The following FOXJ1 variants were observed in gnomAD, a reference collection of about 807,000 sequenced individuals.
FOXJ1 encodes forkhead box protein J1.
A neutral mutation model predicts 29.3 loss-of-function variants in FOXJ1; 8 were observed. The ratio of observed to expected loss-of-function variants is 0.27; its 90% CI spans 0.16 to 0.49. The LOEUF (loss-of-function observed/expected upper bound fraction) is 0.49, where lower values mean the gene tolerates loss of function less well. Ranked by LOEUF, FOXJ1 falls within the 20% of genes least tolerant of loss-of-function variation. The pLI is 0.98. For synonymous variants in FOXJ1, 280 were observed against 278.7 expected (o/e 1.00, Z -0.05); for missense variants, 539 against 595.5 (o/e 0.91, Z 0.99).
At chr17:76,138,440 G>C (rs1167208476) in intron 2 of FOXJ1, among the ~76,000 whole-genome samples, 2 of 152,176 alleles carry the variant, frequency 1.3e-5, no homozygotes, top group Non-Finnish European at 2.9e-5. Context: ...CCCTGCCGCT[G>C]ACAGCCTCTG....
In FOXJ1 at chr17:76,137,932, C is replaced by A. The variant is rs746222801; in HGVS notation, c.687G>T (p.Ala229=). ...HIHPAFARQA[A]QEPSAVPRAG... is the part of the protein sequence containing the mutation. Reference sequence around the variant, plus strand: ...CCCGGGGGACAGCGCTGGGCTCCTGCGCGGCCTGGCGGGCAAAGGCTGGGT... The same window carrying A: ...CCCGGGGGACAGCGCTGGGCTCCTGAGCGGCCTGGCGGGCAAAGGCTGGGT... Residue 229 remains alanine (A), a synonymous_variant, in exon 3 of 3, where the codon GCG becomes GCT. Coordinates refer to ENST00000322957, the MANE Select transcript of FOXJ1 (RefSeq NM_001454.4). The surrounding 1 kb of genome is among the most constrained non-coding windows in gnomAD (Gnocchi z 9.5). 1.7e-5 allele frequency: 27 copies of A among 1,572,520 alleles called. No individual in the cohort carries two copies. Among genetic ancestry groups the A allele is most frequent in the Non-Finnish European group, 2.3e-5 (27 of 1,159,580 alleles).
Position 76,140,650 on chromosome 17 carries a change from C to T in FOXJ1, c.-169-86G>A. The T allele has an allele frequency of 2.3e-6, 1 of 441,768 alleles. No homozygotes were observed. The allele number at this position is 441,768 out of a possible 1,614,324, so 27.4% of individuals were successfully genotyped here. A position where few individuals can be genotyped will look rare whatever the true frequency, so the allele number is the denominator to read the frequency against. On this transcript the variant is annotated intron_variant, in intron 1 of 2. Transcript: ENST00000322957. This position sits in a 1 kb window ranked among gnomAD's most constrained non-coding sequence, Gnocchi z 8.0. ...GGGGACGCCCTCTCTAACATCATCC[C>T]CGCAGCTGGGGAGGATCTTTTAGTG... is the stretch of plus-strand genomic sequence containing the variant.
Position 76,137,806 on chromosome 17 carries a change from C to G in FOXJ1, c.813G>C (p.Gly271=). 1 of 1,602,300 alleles carries G rather than the reference C, an allele frequency of 6.2e-7. No homozygotes were observed. The highest frequency in any genetic ancestry group is 8.5e-7 in the Non-Finnish European group (1 of 1,175,072). ...TGGGCAGCGGCTGTTTGCGCTTATG[C>G]CCCAGCCTGCCCTCGCCTGCACCCC... The part of the protein sequence containing the change: ...AGWGAGEGRL[G]HKRKQPLPKR... The change falls in exon 3 of 3, where the codon GGG becomes GGC. Residue 271 remains glycine, a synonymous_variant. Coordinates refer to ENST00000322957, the MANE Select transcript of FOXJ1 (RefSeq NM_001454.4). The surrounding 1 kb of genome is among the most constrained non-coding windows in gnomAD (Gnocchi z 9.5).
chr17:76,140,737 C>T lies in FOXJ1; in HGVS notation c.-169-173G>A, dbSNP rs880212. The T allele has an allele frequency of 1.9e-5, 5 of 268,680 alleles. No homozygotes were observed. Among genetic ancestry groups the T allele is most frequent in the South Asian group, 1.2e-4 (1 of 8,020 alleles). The allele number at this position is 268,680 out of a possible 1,614,324, so 16.6% of individuals were successfully genotyped here. ...CCACCCCCATCAGATCTGCCTCCCT[C>T]TTCCTTTCCTCTTCGAGGTTTTATT... On this transcript the variant is annotated intron_variant, in intron 1 of 2. Transcript: ENST00000322957. This position sits in a 1 kb window ranked among gnomAD's most constrained non-coding sequence, Gnocchi z 8.0.
In FOXJ1 at chr17:76,137,464, G is replaced by T; in HGVS notation, c.1155C>A (p.Pro385=). The T allele has an allele frequency of 6.4e-7, 1 of 1,565,716 alleles. No homozygotes were observed. The highest frequency in any genetic ancestry group is 8.6e-7 in the Non-Finnish European group (1 of 1,157,804). Residue 385 remains proline, a synonymous_variant, in exon 3 of 3, where the codon CCC becomes CCA. Coordinates refer to ENST00000322957, the MANE Select transcript of FOXJ1 (RefSeq NM_001454.4). This position sits in a 1 kb window ranked among gnomAD's most constrained non-coding sequence, Gnocchi z 9.5. ...GGCAGCCACTGCCGCTCTCGTCCCA[G>T]GGGTGCTGCAGGAAGGATGTGGCCA... The part of the protein sequence containing the change: ...TFLATSFLQH[P]WDESGSGCLP...
At chr17:76,138,336 C>T (rs2144762811) in intron 2 of FOXJ1, among the ~76,000 whole-genome samples, 1 of 152,314 alleles carries the variant, frequency 6.6e-6, no homozygotes, top group East Asian at 1.9e-4. Flanking sequence ...GCTTTTGTTC[C>T]CTGTTGCCGG....
chr17:76,140,603 C>A lies in FOXJ1; in HGVS notation c.-169-39G>T, dbSNP rs372393372. ...GGTGGGAGCTGAGCACTACCCCACC[C>A]CCGAGGGGACAGTGTGTGTACGGGG... On this transcript the variant is annotated intron_variant, in intron 1 of 2. Transcript: ENST00000322957. This position sits in a 1 kb window ranked among gnomAD's most constrained non-coding sequence, Gnocchi z 8.0. The A allele has an allele frequency of 5.9e-4, 296 of 505,948 alleles. 2 individuals carry two copies. In the South Asian group the frequency reaches 8.4e-3, roughly 14 times the overall value. The allele number at this position is 505,948 out of a possible 1,614,324, so 31.3% of individuals were successfully genotyped here.
In FOXJ1 at chr17:76,139,248, C is replaced by A. The variant is rs1054539737; in HGVS notation, c.498+650G>T. 6.6e-6 allele frequency among the ~76,000 whole-genome samples: 1 copy of A among 152,202 alleles called. No individual in the cohort carries two copies. The highest frequency in any genetic ancestry group is 2.4e-5 in the African/African-American group (1 of 41,438). ...GGCACCTGGCTCAGGTAATTGTCCC[C>A]CCAGGGAGGTTGGCTGACAGCGGGG... On this transcript the variant is annotated intron_variant, in intron 2 of 2. Transcript: ENST00000322957. This position sits in a 1 kb window ranked among gnomAD's most constrained non-coding sequence, Gnocchi z 6.6.
Position 76,140,315 on chromosome 17 carries a change from G to A in FOXJ1, c.81C>T (p.Asp27=). 6.7e-7 allele frequency: 1 copy of A among 1,494,468 alleles called. No individual in the cohort carries two copies. 92.6% of individuals were successfully genotyped at this position (1,494,468 alleles called of 1,614,324 possible). ...AGPEGGLEEP[D]ALDDSLTSLQ... ...GGCTGGTCAGGCTGTCATCCAGGGC[G>A]TCGGGCTCCTCCAGGCCGCCCTCCG... Residue 27 remains aspartate, a synonymous_variant, in exon 2 of 3, where the codon GAC becomes GAT. Transcript: ENST00000322957. This position sits in a 1 kb window ranked among gnomAD's most constrained non-coding sequence, Gnocchi z 8.0.
In FOXJ1 at chr17:76,139,702, C is replaced by T. The variant is rs1432595067; in HGVS notation, c.498+196G>A. Among the ~76,000 whole-genome samples the T allele has an allele frequency of 6.6e-6, 1 of 152,156 alleles. No individual in the cohort carries two copies. Among genetic ancestry groups the T allele is most frequent in the African/African-American group, 2.4e-5 (1 of 41,442 alleles). Reference sequence around the variant, plus strand: ...AGCCCTCCACCTCTGGACATTCTCCCTTCTCTCTCTCTCTCTCTCTGGAAG... The same window carrying T: ...AGCCCTCCACCTCTGGACATTCTCCTTTCTCTCTCTCTCTCTCTCTGGAAG... On this transcript the variant is annotated intron_variant, in intron 2 of 2. Coordinates refer to ENST00000322957, the MANE Select transcript of FOXJ1 (RefSeq NM_001454.4). The surrounding 1 kb of genome is among the most constrained non-coding windows in gnomAD (Gnocchi z 6.6).
At position 76,140,405 on chromosome 17, in the gene FOXJ1, G is replaced by A. The variant is rs1401372581; in HGVS notation, c.-10C>T. 1.4e-6 allele frequency: 2 copies of A among 1,443,236 alleles called. No homozygotes were observed. The highest frequency in any genetic ancestry group is 5.8e-5 in the East Asian group (2 of 34,272). 89.4% of individuals were successfully genotyped at this position (1,443,236 alleles called of 1,614,324 possible). On this transcript the variant is annotated 5_prime_UTR_variant, in exon 2 of 3. Coordinates refer to ENST00000322957, the MANE Select transcript of FOXJ1 (RefSeq NM_001454.4). The surrounding 1 kb of genome is among the most constrained non-coding windows in gnomAD (Gnocchi z 8.0). ...GCCAGCTCTCCGCCATGTCTGCGGG[G>A]ACTCTCCGAGGGGGCGGTCAGCATC... is the stretch of plus-strand genomic sequence containing the variant.
chr17:76,137,266 G>A lies in FOXJ1; in HGVS notation c.*87C>T, dbSNP rs1473928126. 3 of 1,209,840 alleles carry A rather than the reference G, an allele frequency of 2.5e-6. No homozygotes were observed. The highest frequency in any genetic ancestry group is 1.6e-5 in the African/African-American group (1 of 64,082). The allele number at this position is 1,209,840 out of a possible 1,614,324, so 74.9% of individuals were successfully genotyped here. A position where few individuals can be genotyped will look rare whatever the true frequency, so the allele number is the denominator to read the frequency against. On this transcript the variant is annotated 3_prime_UTR_variant, in exon 3 of 3. Coordinates refer to ENST00000322957, the MANE Select transcript of FOXJ1 (RefSeq NM_001454.4). The surrounding 1 kb of genome is among the most constrained non-coding windows in gnomAD (Gnocchi z 9.5). The stretch of plus-strand genomic sequence containing the variant: ...GAGCCCTGGCCCAGCCCCTGCCTAG[G>A]TGGTGGGGTGTCTGTGGACCTGTGT...
Position 76,140,370 on chromosome 17 carries a change from G to A in FOXJ1, c.26C>T (p.Ser9Leu). The A allele has an allele frequency of 6.7e-7, 1 of 1,488,228 alleles. No individual in the cohort carries two copies. The highest frequency in any genetic ancestry group is 8.9e-7 in the Non-Finnish European group (1 of 1,126,728). 92.2% of individuals were successfully genotyped at this position (1,488,228 alleles called of 1,614,324 possible). A position where few individuals can be genotyped will look rare whatever the true frequency, so the allele number is the denominator to read the frequency against. Reference sequence around the variant, plus strand: ...GGCCTCCTCCGCCGGCCCGGCTCCCGAGAGGCGCAGCCAGCTCTCCGCCAT... The same window carrying A: ...GGCCTCCTCCGCCGGCCCGGCTCCCAAGAGGCGCAGCCAGCTCTCCGCCAT... MAESWLRL[S>L]GAGPAEEAGP... The change falls in exon 2 of 3, where the codon TCG becomes TTG. Residue 9 changes from serine to leucine, a missense_variant. Around this residue, in one of 3 missense-constraint regions of FOXJ1, gnomAD observed 59 missense variants for 47.5 expected, o/e 1.24. Transcript: ENST00000322957. The surrounding 1 kb of genome is among the most constrained non-coding windows in gnomAD (Gnocchi z 8.0).
Position 76,140,510 on chromosome 17 carries a change from GCGCGCTTCCAT to G in FOXJ1, c.-126_-116del, listed in dbSNP as rs2068509887. 5 of 978,088 alleles carry G rather than the reference GCGCGCTTCCAT, an allele frequency of 5.1e-6. No individual in the cohort carries two copies. The East Asian group carries it at 1.7e-4, about 32-fold the overall frequency. The allele number at this position is 978,088 out of a possible 1,614,324, so 60.6% of individuals were successfully genotyped here. On this transcript the variant is annotated 5_prime_UTR_variant, in exon 2 of 3. The change abolishes an upstream ATG in the 5' untranslated region. Coordinates refer to ENST00000322957, the MANE Select transcript of FOXJ1 (RefSeq NM_001454.4). This position sits in a 1 kb window ranked among gnomAD's most constrained non-coding sequence, Gnocchi z 8.0. ...GCTCCCGTTACACGGCCTCCCGGAC[GCGCGCTTCCAT>G]CTCGCGACCCCGGGGGCGCCTCCTC...
At position 76,139,990 on chromosome 17, in the gene FOXJ1, C is replaced by T. The variant is rs2068504735; in HGVS notation, c.406G>A (p.Ala136Thr). The T allele has an allele frequency of 1.2e-6, 2 of 1,613,666 alleles. No homozygotes were observed. Among genetic ancestry groups the T allele is most frequent in the African/African-American group, 2.7e-5 (2 of 74,894 alleles). The change falls in exon 2 of 3, where the codon GCC (alanine) becomes ACC (threonine). Residue 136 changes from alanine (A) to threonine (T), a missense_variant. This residue lies in a region of FOXJ1 where 178 missense variants were observed against 254.4 expected (regional missense o/e 0.70). Transcript: ENST00000322957. This position sits in a 1 kb window ranked among gnomAD's most constrained non-coding sequence, Gnocchi z 6.6. ...YATLICMAMQ[A>T]SKATKITLSA... is the part of the protein sequence containing the mutation. ...AGGGTGATCTTGGTGGCCTTGCTGG[C>T]CTGCATGGCCATGCAGATGAGCGTG...
intron 2 of FOXJ1, 43 bp from the exon 3 acceptor site, chr17:76,138,163 C>T: frequency 6.2e-7 from 1 of 1,603,200 alleles, no homozygotes; most frequent in Non-Finnish European, 8.5e-7. Context: ...ACCGCTAGGT[C>T]AGTGGGGACG....
rs901276031 is a variant in FOXJ1, at chr17:76,141,078, C to T, written c.-170+36G>A. The T allele has an allele frequency of 1.3e-5, 2 of 152,428 alleles. No homozygotes were observed. Among genetic ancestry groups the T allele is most frequent in the Non-Finnish European group, 2.9e-5 (2 of 68,180 alleles). The allele number at this position is 152,428 out of a possible 1,614,324, so 9.4% of individuals were successfully genotyped here. A position where few individuals can be genotyped will look rare whatever the true frequency, so the allele number is the denominator to read the frequency against. On this transcript the variant is annotated intron_variant, in intron 1 of 2. Transcript: ENST00000322957. The surrounding 1 kb of genome is among the most constrained non-coding windows in gnomAD (Gnocchi z 4.2). ...AGAGCGGGTTGGTACCGTTGCCCAC[C>T]CTTCCCCCTGGCCTGCAGCCCTCCC...
In FOXJ1 at chr17:76,137,656, G is replaced by A. The variant is rs981384883; in HGVS notation, c.963C>T (p.Gly321=). ...GGGCCTCCAGTGCACCCAGCTCCCC[G>A]CCCAGAGTGCCGGCGTCGAAGATGG... is the stretch of plus-strand genomic sequence containing the variant. ...WEAIFDAGTL[G]GELGALEALE... Residue 321 remains glycine (G), a synonymous_variant, in exon 3 of 3, where the codon GGC becomes GGT. Coordinates refer to ENST00000322957, the MANE Select transcript of FOXJ1 (RefSeq NM_001454.4). This position sits in a 1 kb window ranked among gnomAD's most constrained non-coding sequence, Gnocchi z 9.5. The A allele has an allele frequency of 4.3e-6, 7 of 1,610,058 alleles. No homozygotes were observed. The highest frequency in any genetic ancestry group is 4.5e-5 in the East Asian group (2 of 44,790).
rs1404990853 is a variant in FOXJ1, at chr17:76,140,651, C to T, written c.-169-87G>A. 2 of 438,270 alleles carry T rather than the reference C, an allele frequency of 4.6e-6. No homozygotes were observed. Among genetic ancestry groups the T allele is most frequent in the Non-Finnish European group, 8.0e-6 (2 of 249,976 alleles). The allele number at this position is 438,270 out of a possible 1,614,324, so 27.1% of individuals were successfully genotyped here. ...GGGACGCCCTCTCTAACATCATCCC[C>T]GCAGCTGGGGAGGATCTTTTAGTGC... On this transcript the variant is annotated intron_variant, in intron 1 of 2. Transcript: ENST00000322957. This position sits in a 1 kb window ranked among gnomAD's most constrained non-coding sequence, Gnocchi z 8.0.
Sources: gnomAD v4.1 joint callset for allele counts (sites outside exome capture counted in the v4.1 genomes callset) on GRCh38, gnomAD v4.1.1 for gene constraint, gnomAD v4.1.1 regional missense constraint, Gnocchi (gnomAD v3.1) non-coding constraint, MANE v1.5 for transcripts, NCBI Gene and HGNC (gene_info 2026-07-23, HGNC 2026-07-21) for gene names.